Variants in EDA observed in about 807,000 individuals in gnomAD.
EDA encodes ectodysplasin A.
In EDA, 2 loss-of-function variants were observed where a neutral mutation model predicts 23.6. The observed-to-expected ratio is 0.08, with a 90% CI of 0.03 to 0.27. EDA has a LOEUF of 0.27. EDA is among the 10% of genes least tolerant of loss of function. The probability of loss-of-function intolerance (pLI) is 1.00; values close to 1 mark genes in which losing one functional copy is unlikely to be tolerated. For synonymous variants in EDA, 131 were observed against 132.0 expected, an observed-to-expected ratio of 0.99 and a Z score of 0.05; for missense variants, 229 against 324.2, an observed-to-expected ratio of 0.71 and a Z score of 2.26.
At chrX:69,980,718 G>C (rs1190591145) in intron 2 of EDA, among the ~76,000 whole-genome samples, 1 of 112,081 alleles carries the variant, frequency 8.9e-6, no homozygotes, top group African/African-American at 3.2e-5. Context: ...CTATGTTCCA[G>C]GCACTATGGT....
rs765203198 is a variant in EDA, at chrX:69,993,199, TAATA to T, written c.503-30012_503-30009del. ...AAATAAATAATATAAAAAAGTAAAA[TAATA>T]AATAAAATAAAATAAAAATAACCCC... is the stretch of plus-strand genomic sequence containing the variant. On this transcript the variant is annotated intron_variant, in intron 2 of 7. Transcript: ENST00000374552. Among the ~76,000 whole-genome samples the T allele has an allele frequency of 2.4e-3, 258 of 109,263 alleles. 2 individuals carry two copies. Among genetic ancestry groups the T allele is most frequent in the Non-Finnish European group, 2.8e-3 (148 of 52,400 alleles). The allele number at this position is 109,263 out of a possible 115,157, so 94.9% of individuals were successfully genotyped here. A position where few individuals can be genotyped will look rare whatever the true frequency, so the allele number is the denominator to read the frequency against.
chrX:69,694,067 A>G (rs1260156267), intron 1 of EDA, among the ~76,000 whole-genome samples: 2 of 111,999 alleles, frequency 1.8e-5, no homozygotes, highest in African/African-American at 3.2e-5. Flanking sequence ...AATAGTCCCC[A>G]CACTAATATT....
intron 1 of EDA, among the ~76,000 whole-genome samples, chrX:69,765,707 A>T (rs1180634731): frequency 1.8e-5 from 2 of 111,906 alleles, no homozygotes; most frequent in African/African-American, 6.5e-5. Flanking sequence ...ATTATATATT[A>T]TATAATTAGA....
intron 1 of EDA, among the ~76,000 whole-genome samples, chrX:69,689,365 G>C (rs1451629710): frequency 1.9e-5 from 2 of 104,236 alleles, no homozygotes; most frequent in African/African-American, 7.1e-5. Flanking sequence ...GCGCAATCTT[G>C]GCTCACTGCA....
chrX:69,712,636 T>C (rs1201734021), intron 1 of EDA, among the ~76,000 whole-genome samples: 9 of 111,503 alleles, frequency 8.1e-5, no homozygotes, highest in Non-Finnish European at 1.7e-4. Context: ...GTTCAACCAT[T>C]GTGGAAGTCA....
At chrX:69,717,686 A>C (rs953264936) in intron 1 of EDA, among the ~76,000 whole-genome samples, 1 of 109,514 alleles carries the variant, frequency 9.1e-6, no homozygotes, top group Non-Finnish European at 1.9e-5. Context: ...TGCCTGGCTA[A>C]TTTTTTGTAT....
intron 1 of EDA, among the ~76,000 whole-genome samples, chrX:69,649,475 C>T (rs1023227144): frequency 2.7e-5 from 3 of 111,552 alleles, no homozygotes; most frequent in African/African-American, 9.8e-5. Context: ...TATTTCTTTA[C>T]TTTTTTTGGC....
At chrX:69,992,211 T>G (rs1386343113) in intron 2 of EDA, among the ~76,000 whole-genome samples, 1 of 112,105 alleles carries the variant, frequency 8.9e-6, no homozygotes, top group Non-Finnish European at 1.9e-5. Context: ...CACCGCCATG[T>G]AGTTTCTCAA....
At chrX:69,792,162 G>A in intron 1 of EDA, among the ~76,000 whole-genome samples, 1 of 110,733 alleles carries the variant, frequency 9.0e-6, no homozygotes, top group Admixed American at 9.7e-5. Context: ...TCATTCTTAT[G>A]CCTTTGCCTC....
intron 1 of EDA, among the ~76,000 whole-genome samples, chrX:69,913,076 G>C (rs763755212): frequency 6.3e-5 from 7 of 111,818 alleles, no homozygotes; most frequent in Admixed American, 4.7e-4. Flanking sequence ...TGAAGATTTA[G>C]CATAATTCTT....
rs186269007 is a variant in EDA at position 69,975,105 on chromosome X, C to T, written c.502+17973C>T. Among the ~76,000 whole-genome samples, 6 of 111,324 alleles carry T rather than the reference C, an allele frequency of 5.4e-5. No individual in the cohort carries two copies. The South Asian group carries it at 1.5e-3, about 28-fold the overall frequency. On this transcript the variant is annotated intron_variant, in intron 2 of 7. Transcript: ENST00000374552. ...GAACTACCATTTGACCCAACAATCC[C>T]GTTACTGGGTATATATCCAAAAGAA...
intron 1 of EDA, among the ~76,000 whole-genome samples, chrX:69,867,833 T>C (rs544690949): frequency 1.1e-4 from 12 of 111,974 alleles, no homozygotes; most frequent in Non-Finnish European, 2.1e-4. Flanking sequence ...TGTAACTTAC[T>C]TGTGCCTTCA....
chrX:69,891,807 T>C (rs1273921057), intron 1 of EDA, among the ~76,000 whole-genome samples: 7 of 110,805 alleles, frequency 6.3e-5, no homozygotes, highest in African/African-American at 2.3e-4. Flanking sequence ...GAATAATTAG[T>C]GATGCTGGGC....
intron 1 of EDA, among the ~76,000 whole-genome samples, chrX:69,691,080 C>T (rs1019805976): frequency 1.8e-5 from 2 of 111,350 alleles, no homozygotes; most frequent in African/African-American, 6.5e-5. Flanking sequence ...AAAAAAATCG[C>T]CTTTTGAAAA....
At chrX:69,827,276 A>T (rs940813456) in intron 1 of EDA, among the ~76,000 whole-genome samples, 1 of 112,050 alleles carries the variant, frequency 8.9e-6, no homozygotes. Flanking sequence ...GTTCTCCTGG[A>T]TAATATCTTG....
At chrX:69,752,302 G>C in intron 1 of EDA, among the ~76,000 whole-genome samples, 1 of 111,663 alleles carries the variant, frequency 9.0e-6, no homozygotes. Context: ...GTTGAATTTT[G>C]TCGAAGGCCT....
chrX:69,710,176 A>G (rs1237150298), intron 1 of EDA, among the ~76,000 whole-genome samples: 2 of 110,271 alleles, frequency 1.8e-5, no homozygotes, highest in Admixed American at 1.9e-4. Flanking sequence ...TTTTTGTATA[A>G]GGTGTAAGGA....
intron 1 of EDA, among the ~76,000 whole-genome samples, chrX:69,825,837 G>T (rs894901012): frequency 3.6e-5 from 4 of 110,687 alleles, no homozygotes; most frequent in African/African-American, 1.3e-4. Flanking sequence ...TGGGCATTTA[G>T]TGCTATAAAT....
At chrX:69,738,668 A>G (rs2013349343) in intron 1 of EDA, among the ~76,000 whole-genome samples, 1 of 109,019 alleles carries the variant, frequency 9.2e-6, no homozygotes, top group Non-Finnish European at 1.9e-5. Context: ...GTTGCATCTC[A>G]TAAGTTTTGG....
Sources: allele counts gnomAD v4.1 joint callset (sites outside exome capture counted in the v4.1 genomes callset), GRCh38; gene constraint gnomAD v4.1.1; transcripts MANE v1.5; gene names NCBI Gene and HGNC (gene_info 2026-07-23, HGNC 2026-07-21).